The following LNP1 variants were observed in gnomAD, a reference collection of about 807,000 sequenced individuals.
LNP1 encodes leukemia NUP98 fusion partner 1.
LNP1 carries 12 observed loss-of-function variants against 14.5 expected under a neutral mutation model. The ratio of observed to expected loss-of-function variants is 0.83; its 90% CI spans 0.53 to 1.34. The LOEUF (loss-of-function observed/expected upper bound fraction) is 1.34. LNP1 is among the 40% of genes most tolerant of loss of function. LNP1 has a pLI of 0.00. For missense variants in LNP1, 198 were observed against 210.9 expected (o/e 0.94, Z 0.38); for synonymous variants, 75 against 71.4 (o/e 1.05, Z -0.26).
chr3:100,419,144 T>A (rs1216202518), intron 1 of LNP1, among the ~76,000 whole-genome samples: 2 of 152,202 alleles, frequency 1.3e-5, no homozygotes, highest in African/African-American at 4.8e-5. Context: ...TTTTTTCTGC[T>A]ACAGTTGCTC....
intron 2 of LNP1, among the ~76,000 whole-genome samples, chr3:100,443,404 C>A (rs767129995): frequency 6.6e-6 from 1 of 152,140 alleles, no homozygotes; most frequent in Non-Finnish European, 1.5e-5. Flanking sequence ...TATACTTGGC[C>A]TAATCATTTG....
chr3:100,413,906 C>G (rs1200376154), intron 1 of LNP1, among the ~76,000 whole-genome samples: 1 of 152,188 alleles, frequency 6.6e-6, no homozygotes, highest in Non-Finnish European at 1.5e-5. Context: ...AGCATTGAAC[C>G]TGAGAGCCTC....
chr3:100,435,331 C>T (rs893496151), intron 2 of LNP1, among the ~76,000 whole-genome samples: 1 of 152,186 alleles, frequency 6.6e-6, no homozygotes, highest in African/African-American at 2.4e-5. Flanking sequence ...TCTTCATTTA[C>T]TAGCAGCATA....
intron 2 of LNP1, among the ~76,000 whole-genome samples, chr3:100,441,738 C>T (rs761743735): frequency 6.6e-6 from 1 of 152,094 alleles, no homozygotes; most frequent in South Asian, 2.1e-4. Context: ...TCTCAGCTCA[C>T]TGCAACCTCC....
intron 1 of LNP1, among the ~76,000 whole-genome samples, chr3:100,413,724 CA>C (rs1442978914): frequency 6.6e-6 from 1 of 152,228 alleles, no homozygotes; most frequent in African/African-American, 2.4e-5. Context: ...GCACTTTGCT[CA>C]GCACAGCCTT....
rs562000656 is a variant in LNP1 at position 100,417,371 on chromosome 3, CTTTTTTTTTTTT to C, written c.-33-12315_-33-12304del. Among the ~76,000 whole-genome samples the C allele has an allele frequency of 7.7e-5, 5 of 64,628 alleles. No individual in the cohort carries two copies. The East Asian group carries it at 2.1e-3, about 27-fold the overall frequency. 42.4% of individuals were successfully genotyped at this position (64,628 alleles called of 152,430 possible). On this transcript the variant is annotated intron_variant, in intron 1 of 3. Transcript: ENST00000383693. ...CTTTTTCTTTCTTTCTTTCTTTTTT[CTTTTTTTTTTTT>C]TTTTTTTTTTCGAGACAGGATCTCA...
At chr3:100,448,746 A>T (rs949220988) in intron 2 of LNP1, among the ~76,000 whole-genome samples, 5 of 152,146 alleles carry the variant, frequency 3.3e-5, no homozygotes, top group African/African-American at 1.2e-4. Flanking sequence ...TTTTCTTTAA[A>T]CCAATTAGTT....
intron 1 of LNP1, among the ~76,000 whole-genome samples, chr3:100,416,599 T>TTG (rs769199967): frequency 0.056 from 5,290 of 94,356 alleles, 143 homozygotes; most frequent in Admixed American, 0.075. Context: ...TATATCTTTT[T>TTG]TGTGTGTGTG....
chr3:100,425,342 T>G (rs148467575), intron 1 of LNP1, among the ~76,000 whole-genome samples: 1,707 of 152,322 alleles, frequency 0.011, 21 homozygotes, highest in African/African-American at 0.039. Context: ...CTTTCAGTTT[T>G]TCTCCTAAGT....
intron 3 of LNP1, among the ~76,000 whole-genome samples, chr3:100,454,796 A>T (rs903520949): frequency 6.6e-6 from 1 of 152,176 alleles, no homozygotes; most frequent in Non-Finnish European, 1.5e-5. Flanking sequence ...CCACTGTGTT[A>T]AACAGATGCC....
intron 2 of LNP1, among the ~76,000 whole-genome samples, chr3:100,431,084 GT>G (rs1707238221): frequency 6.6e-6 from 1 of 152,176 alleles, no homozygotes; most frequent in Admixed American, 6.5e-5. Flanking sequence ...TCCAGGCTGT[GT>G]GAACCAGGAG....
intron 2 of LNP1, among the ~76,000 whole-genome samples, chr3:100,447,497 T>G (rs1471485377): frequency 6.6e-6 from 1 of 151,758 alleles, no homozygotes; most frequent in Non-Finnish European, 1.5e-5. Flanking sequence ...ATACCTAATG[T>G]AAATGGTGAG....
At chr3:100,454,707 C>T (rs1177968163) in intron 3 of LNP1, among the ~76,000 whole-genome samples, 1 of 152,184 alleles carries the variant, frequency 6.6e-6, no homozygotes, top group Admixed American at 6.5e-5. Context: ...AGTCTTTAAT[C>T]ATCACTCTAT....
At chr3:100,419,494 TTGTG>T (rs913776307) in intron 1 of LNP1, among the ~76,000 whole-genome samples, 16 of 151,274 alleles carry the variant, frequency 1.1e-4, no homozygotes, top group Admixed American at 1.1e-3. Context: ...ACACACTCAT[TTGTG>T]TGTGTGTGTA....
intron 1 of LNP1, among the ~76,000 whole-genome samples, chr3:100,406,496 G>A (rs1191686587): frequency 6.6e-6 from 1 of 152,062 alleles, no homozygotes; most frequent in Non-Finnish European, 1.5e-5. Context: ...CATTATAAAT[G>A]TGTCTGTGGT....
In LNP1 at chr3:100,438,874, G is replaced by A. The variant is rs528064640; in HGVS notation, c.156+8989G>A. 1.9e-4 allele frequency among the ~76,000 whole-genome samples: 29 copies of A among 152,294 alleles called. No individual in the cohort carries two copies. The East Asian group carries it at 5.4e-3, about 28-fold the overall frequency. On this transcript the variant is annotated intron_variant, in intron 2 of 3. Transcript: ENST00000383693. ...GATTCACAAAACAGGGGATAGATAG[G>A]TGAGGCTATTTTAAGCCATTTGGGA...
In LNP1 at chr3:100,455,078, G is replaced by A. The variant is rs1198187524; in HGVS notation, c.388-699G>A. 3.9e-5 allele frequency among the ~76,000 whole-genome samples: 6 copies of A among 152,174 alleles called. 1 individual carries two copies. Among genetic ancestry groups the A allele is most frequent in the Non-Finnish European group, 1.5e-5 (1 of 68,040 alleles). ...AAAGAAGCAACCCCCCCACCCTCCA[G>A]TAGGTCCCTATCACTCTGTTTACAG... On this transcript the variant is annotated intron_variant, in intron 3 of 3. Coordinates refer to ENST00000383693, the MANE Select transcript of LNP1 (RefSeq NM_001085451.2).
chr3:100,443,428 A>G (rs1486398913), intron 2 of LNP1, among the ~76,000 whole-genome samples: 1 of 152,214 alleles, frequency 6.6e-6, no homozygotes, highest in Non-Finnish European at 1.5e-5. Flanking sequence ...ACAGTTCAAC[A>G]AGAATAATTA....
rs1426960128 is a variant in LNP1 at position 100,417,201 on chromosome 3, A to G, written c.-33-12496A>G. Among the ~76,000 whole-genome samples, 3 of 151,858 alleles carry G rather than the reference A, an allele frequency of 2.0e-5. No individual in the cohort carries two copies. The South Asian group carries it at 6.2e-4, about 32-fold the overall frequency. On this transcript the variant is annotated intron_variant, in intron 1 of 3. Transcript: ENST00000383693. ...TCTAATCGTCTTTTCCTTATAACTC[A>G]TGCTGTCTATTACCTCCCTCTCCCT...
Sources: allele counts gnomAD v4.1 joint callset (sites outside exome capture counted in the v4.1 genomes callset), GRCh38; gene constraint gnomAD v4.1.1; transcripts MANE v1.5; gene names NCBI Gene and HGNC (gene_info 2026-07-23, HGNC 2026-07-21).